The following PGLYRP3 variants were observed in gnomAD, a reference collection of about 807,000 sequenced individuals.
PGLYRP3 encodes the protein peptidoglycan recognition protein 3.
In PGLYRP3, 39 loss-of-function variants were observed where a neutral mutation model predicts 36.0. That is an observed-to-expected ratio of 1.08 (90% CI 0.84 to 1.41). The LOEUF (loss-of-function observed/expected upper bound fraction) is 1.41, where lower values mean the gene tolerates loss of function less well. PGLYRP3 is among the 40% of genes most tolerant of loss of function. The pLI is 0.00. For synonymous variants in PGLYRP3, 204 were observed against 172.8 expected (o/e 1.18, Z -1.42); for missense variants, 407 against 427.9 (o/e 0.95, Z 0.43).
chr1:153,298,351 A>T (rs1210938934), intron 7 of PGLYRP3, among the ~76,000 whole-genome samples: 1 of 152,124 alleles, frequency 6.6e-6, no homozygotes. Flanking sequence ...TTCTTCCAGA[A>T]GGTTAAAAAC....
Position 153,297,735 on chromosome 1 carries a change from G to C in PGLYRP3, c.*221C>G, listed in dbSNP as rs1319242272. The C allele has an allele frequency of 4.0e-6, 2 of 495,620 alleles. No homozygotes were observed. Among genetic ancestry groups the C allele is most frequent in the Non-Finnish European group, 7.1e-6 (2 of 280,162 alleles). 30.7% of individuals were successfully genotyped at this position (495,620 alleles called of 1,614,324 possible). ...GCCCAGGGGAGAGGTAGGTAAAAGA[G>C]AGGGGAAGTCTAAACTCAGACCAAG... On this transcript the variant is annotated 3_prime_UTR_variant, in exon 8 of 8. Coordinates refer to ENST00000683862, the MANE Select transcript of PGLYRP3 (RefSeq NM_052891.3).
rs1659486800 is a variant in PGLYRP3, at chr1:153,298,080, G to T, written c.902C>A (p.Ala301Asp). Residue 301 changes from alanine to aspartate, a missense_variant, in exon 8 of 8, where the codon GCC (alanine) becomes GAC (aspartate). Ala to Asp is a moderately radical substitution (Grantham distance 126). Transcript: ENST00000683862. Reference sequence around the variant, plus strand: ...TGGAGTCAGGTACCCCTCAACCACGGCACACTGGATCAGGTCCTGGGCCGC... The same window carrying T: ...TGGAGTCAGGTACCCCTCAACCACGTCACACTGGATCAGGTCCTGGGCCGC... ...LEAAQDLIQC[A>D]VVEGYLTPNY... 1 of 1,613,886 alleles carries T rather than the reference G, an allele frequency of 6.2e-7. No homozygotes were observed. Among genetic ancestry groups the T allele is most frequent in the African/African-American group, 1.3e-5 (1 of 74,842 alleles).
At position 153,302,527 on chromosome 1, in the gene PGLYRP3, C is replaced by A. The variant is rs1426227991; in HGVS notation, c.610G>T (p.Val204Phe). 1 of 1,614,198 alleles carries A rather than the reference C, an allele frequency of 6.2e-7. No homozygotes were observed. Among genetic ancestry groups the A allele is most frequent in the East Asian group, 2.2e-5 (1 of 44,890 alleles). Reference sequence around the variant, plus strand: ...GTGCCAGCGGTGTGGATGATGATGACATATTTGGCTGGGAGGTTCATTTTA... The same window carrying A: ...GTGCCAGCGGTGTGGATGATGATGAAATATTTGGCTGGGAGGTTCATTTTA... ...CPKMNLPAKYVIIIHTAGTSC... is the reference protein window; with the variant it reads ...CPKMNLPAKYFIIIHTAGTSC... The change falls in exon 6 of 8, where the codon GTC becomes TTC. Residue 204 changes from valine to phenylalanine, a missense_variant. Transcript: ENST00000683862.
In PGLYRP3 at chr1:153,301,265, T is replaced by C. The variant is rs77095661; in HGVS notation, c.728+1144A>G. Among the ~76,000 whole-genome samples, 982 of 152,328 alleles carry C rather than the reference T, an allele frequency of 6.4e-3. 14 individuals carry two copies. Among genetic ancestry groups the C allele is most frequent in the African/African-American group, 0.022 (935 of 41,572 alleles). ...AATCTCTCTCTGTTTGTTGTTAGAT[T>C]GATATATCTCGTCTAGCACCAGGCA... On this transcript the variant is annotated intron_variant, in intron 6 of 7. Coordinates refer to ENST00000683862, the MANE Select transcript of PGLYRP3 (RefSeq NM_052891.3).
chr1:153,306,951 TC>T, intron 3 of PGLYRP3, 114 bp downstream of exon 3: 1 of 1,012,948 alleles, frequency 9.9e-7, no homozygotes, highest in East Asian at 2.6e-5. Context: ...CCATTTCTAT[TC>T]ATTACAAAAG....
intron 2 of PGLYRP3, among the ~76,000 whole-genome samples, chr1:153,309,822 G>T (rs182615696): frequency 2.0e-4 from 31 of 152,280 alleles, no homozygotes; most frequent in Admixed American, 2.0e-3. Flanking sequence ...CAGGGATGAG[G>T]ACCACACAAA....
intron 5 of PGLYRP3, among the ~76,000 whole-genome samples, chr1:153,303,085 A>G (rs984849993): frequency 1.5e-4 from 23 of 152,280 alleles, no homozygotes; most frequent in African/African-American, 5.3e-4. Flanking sequence ...TCCAAAAGCA[A>G]GAAACATTTT....
intron 1 of PGLYRP3, among the ~76,000 whole-genome samples, chr1:153,312,034 C>T (rs1158376555): frequency 6.6e-6 from 1 of 152,222 alleles, no homozygotes; most frequent in African/African-American, 2.4e-5. Flanking sequence ...GAGCTGGCCT[C>T]CTGCAAAGCT....
chr1:153,302,210 G>A (rs1659614069), intron 6 of PGLYRP3, among the ~76,000 whole-genome samples, 199 bp downstream of exon 6: 1 of 152,194 alleles, frequency 6.6e-6, no homozygotes, highest in Admixed American at 6.5e-5. Flanking sequence ...CACTTGTGGA[G>A]ATACGTCCAA....
intron 3 of PGLYRP3, among the ~76,000 whole-genome samples, chr1:153,306,223 T>G (rs941710218): frequency 2.6e-5 from 4 of 152,354 alleles, no homozygotes; most frequent in Admixed American, 6.5e-5. Flanking sequence ...TAAATAAGAC[T>G]TAGATTTTCC....
intron 1 of PGLYRP3, among the ~76,000 whole-genome samples, 200 bp from the exon 2 acceptor site, chr1:153,310,906 C>T (rs768956410): frequency 3.3e-5 from 5 of 152,138 alleles, no homozygotes; most frequent in Non-Finnish European, 7.4e-5. Context: ...GTCTAGCCAC[C>T]GACTCCCCAC....
In PGLYRP3 at chr1:153,303,819, T is replaced by G. The variant is rs746974706; in HGVS notation, c.529+38A>C. 3.8e-6 allele frequency: 6 copies of G among 1,577,426 alleles called. No homozygotes were observed. The Admixed American group carries it at 6.8e-5, about 18-fold the overall frequency. On this transcript the variant is annotated intron_variant, in intron 5 of 7. Coordinates refer to ENST00000683862, the MANE Select transcript of PGLYRP3 (RefSeq NM_052891.3). ...CATGACTCCAAACATGGCTAGGTGGTGACGAGGAGGAGGGTGAGGTGACAT... is the reference window on the plus strand; with the variant it reads ...CATGACTCCAAACATGGCTAGGTGGGGACGAGGAGGAGGGTGAGGTGACAT...
chr1:153,298,731 C>T (rs1432268842), intron 7 of PGLYRP3, among the ~76,000 whole-genome samples: 1 of 152,122 alleles, frequency 6.6e-6, no homozygotes, highest in Non-Finnish European at 1.5e-5. Context: ...GCAGATACAG[C>T]ACCACTGGGC....
At chr1:153,310,778 C>A in intron 1 of PGLYRP3, 72 bp from the exon 2 acceptor site, 7 of 925,576 alleles carry the variant, frequency 7.6e-6, no homozygotes, top group African/African-American at 3.3e-5. Flanking sequence ...CTATGTGGCA[C>A]CACTGTCTGC....
rs1659707527 is a variant in PGLYRP3, at chr1:153,305,125, A to C, written c.258-60T>G. 2.1e-6 allele frequency: 3 copies of C among 1,420,962 alleles called. No homozygotes were observed. The African/African-American group carries it at 4.3e-5, about 20-fold the overall frequency. 88.0% of individuals were successfully genotyped at this position (1,420,962 alleles called of 1,614,324 possible). A position where few individuals can be genotyped will look rare whatever the true frequency, so the allele number is the denominator to read the frequency against. On this transcript the variant is annotated intron_variant, in intron 3 of 7. Coordinates refer to ENST00000683862, the MANE Select transcript of PGLYRP3 (RefSeq NM_052891.3). The stretch of plus-strand genomic sequence containing the variant: ...CTCCATAAATGAAAACCTCTCACTG[A>C]TCCTCAAAAGGAAAAGGGGTTCTGG...
chr1:153,298,064 G>T lies in PGLYRP3; in HGVS notation c.918C>A (p.Tyr306Ter), dbSNP rs773646455. The change falls in exon 8 of 8, where the codon TAC becomes TAA. Residue 306 changes from tyrosine (Y) to a stop codon, truncating the protein, a stop_gained. Transcript: ENST00000683862. LOFTEE classifies it high-confidence loss of function. ...CCATCAGCAGGTAGTTTGGAGTCAG[G>T]TACCCCTCAACCACGGCACACTGGA... ...DLIQCAVVEG[Y>*]LTPNYLLMGH... The T allele has an allele frequency of 2.5e-6, 4 of 1,614,020 alleles. No individual in the cohort carries two copies. The highest frequency in any genetic ancestry group is 3.3e-5 in the Admixed American group (2 of 60,006).
At chr1:153,306,312 C>A (rs1181741405) in intron 3 of PGLYRP3, among the ~76,000 whole-genome samples, 1 of 152,272 alleles carries the variant, frequency 6.6e-6, no homozygotes, top group Non-Finnish European at 1.5e-5. Flanking sequence ...CCCACTCTCT[C>A]TTTCCCTCTC....
At chr1:153,298,276 T>G in intron 7 of PGLYRP3, 142 bp from the exon 8 acceptor site, 8 of 908,738 alleles carry the variant, frequency 8.8e-6, no homozygotes, top group Non-Finnish European at 1.0e-5. Flanking sequence ...TTTACGTAAA[T>G]TGTGGCAATC....
chr1:153,301,564 A>G (rs80159130), intron 6 of PGLYRP3, among the ~76,000 whole-genome samples: 1 of 152,338 alleles, frequency 6.6e-6, no homozygotes, highest in East Asian at 1.9e-4. Context: ...GTGCTAAATA[A>G]CCATAGAAAG....
Sources: gnomAD v4.1 joint callset for allele counts (sites outside exome capture counted in the v4.1 genomes callset) on GRCh38, gnomAD v4.1.1 for gene constraint, MANE v1.5 for transcripts, NCBI Gene and HGNC (gene_info 2026-07-23, HGNC 2026-07-21) for gene names.